Variants in PTPRD observed in about 807,000 individuals in gnomAD.
The protein encoded by PTPRD is receptor-type tyrosine-protein phosphatase delta.
Under a neutral mutation model 214.5 loss-of-function variants are expected in PTPRD, and 34 were observed. The ratio of observed to expected loss-of-function variants is 0.16; its 90% CI spans 0.12 to 0.21. The LOEUF is 0.21. PTPRD is among the 10% of genes least tolerant of loss of function. The pLI is 1.00. For missense variants in PTPRD, 2,545 were observed against 2,398.7 expected (o/e 1.06, Z -1.27); for synonymous variants, 1,128 against 845.7 (o/e 1.33, Z -5.79).
At chr9:8,454,650 A>G (rs1038866358) in intron 33 of PTPRD, 16 of 1,587,270 alleles carry the variant, frequency 1.0e-5, no homozygotes, top group Non-Finnish European at 1.4e-5. Context: ...TAGTTGGCCA[A>G]TGGTAACAAG....
intron 43 of PTPRD, among the ~76,000 whole-genome samples, chr9:8,334,730 A>C (rs958755952): frequency 7.4e-5 from 8 of 107,434 alleles, no homozygotes; most frequent in African/African-American, 2.7e-4. Flanking sequence ...CCCTTCAAAA[A>C]ATCAATGAAT....
intron 2 of PTPRD, among the ~76,000 whole-genome samples, chr9:10,514,143 A>C (rs1050899138): frequency 1.3e-5 from 2 of 152,272 alleles, no homozygotes; most frequent in Middle Eastern, 6.8e-3. Context: ...AACTTGGATA[A>C]CATATTTATA....
At chr9:9,069,969 G>C (rs1331725939) in intron 10 of PTPRD, among the ~76,000 whole-genome samples, 1 of 152,144 alleles carries the variant, frequency 6.6e-6, no homozygotes, top group East Asian at 1.9e-4. Flanking sequence ...CTTTCTCCTA[G>C]GTGTCTGTGA....
chr9:9,419,146 C>CACAG (rs1569568150), intron 8 of PTPRD, among the ~76,000 whole-genome samples: 1 of 150,810 alleles, frequency 6.6e-6, no homozygotes, highest in Non-Finnish European at 1.5e-5. Flanking sequence ...CACACACACA[C>CACAG]ACACACACAC....
At chr9:9,947,358 A>ATAT (rs2092748155) in intron 4 of PTPRD, among the ~76,000 whole-genome samples, 1 of 56,444 alleles carries the variant, frequency 1.8e-5, no homozygotes, top group Non-Finnish European at 2.7e-5. Context: ...TATATATTAT[A>ATAT]TATATTATAT....
At chr9:9,935,952 A>G (rs2089197008) in intron 5 of PTPRD, among the ~76,000 whole-genome samples, 1 of 151,392 alleles carries the variant, frequency 6.6e-6, no homozygotes. Flanking sequence ...ATCTTTGACA[A>G]ACCTGACCAA....
At chr9:9,936,088 T>G (rs1266564032) in intron 5 of PTPRD, among the ~76,000 whole-genome samples, 1 of 146,686 alleles carries the variant, frequency 6.8e-6, no homozygotes, top group African/African-American at 2.7e-5. Context: ...CAAGATGGAT[T>G]AAAGACTTAA....
chr9:8,821,311 G>A (rs960539946), intron 11 of PTPRD, among the ~76,000 whole-genome samples: 4 of 151,914 alleles, frequency 2.6e-5, no homozygotes, highest in African/African-American at 7.3e-5. Context: ...CTCTCACATG[G>A]TAAGCTCATG....
intron 11 of PTPRD, among the ~76,000 whole-genome samples, chr9:8,984,789 G>A (rs1167107433): frequency 1.3e-5 from 2 of 152,050 alleles, no homozygotes; most frequent in Non-Finnish European, 2.9e-5. Context: ...TGATAAGAAT[G>A]TACCTCTGAA....
intron 35 of PTPRD, among the ~76,000 whole-genome samples, chr9:8,435,751 A>T (rs2095321358): frequency 6.6e-6 from 1 of 152,060 alleles, no homozygotes; most frequent in South Asian, 2.1e-4. Flanking sequence ...GCATACACAC[A>T]GGCTTTTAAT....
At chr9:10,339,978 T>G (rs554844379) in intron 3 of PTPRD, among the ~76,000 whole-genome samples, 1 of 151,966 alleles carries the variant, frequency 6.6e-6, no homozygotes, top group South Asian at 2.1e-4. Context: ...TATGCCATAT[T>G]GACAATATAT....
intron 14 of PTPRD, among the ~76,000 whole-genome samples, chr9:8,559,416 G>A (rs2085276925): frequency 6.6e-6 from 1 of 152,120 alleles, no homozygotes; most frequent in South Asian, 2.1e-4. Context: ...ATTGTATCAT[G>A]TGCAATCAAA....
chr9:8,574,254 C>G (rs937681025), intron 14 of PTPRD, among the ~76,000 whole-genome samples: 8 of 151,948 alleles, frequency 5.3e-5, no homozygotes, highest in African/African-American at 1.9e-4. Context: ...CTATTAACAA[C>G]TGATAATACG....
chr9:8,862,928 G>A (rs767501969), intron 11 of PTPRD, among the ~76,000 whole-genome samples: 7 of 151,970 alleles, frequency 4.6e-5, no homozygotes, highest in Admixed American at 2.0e-4. Context: ...GTGGGGTGGT[G>A]GGGGGGAGGG....
chr9:10,555,259 G>T (rs2062271222), intron 2 of PTPRD, among the ~76,000 whole-genome samples: 1 of 152,108 alleles, frequency 6.6e-6, no homozygotes, highest in African/African-American at 2.4e-5. Flanking sequence ...GTCAAAGTAA[G>T]GAGTATGTTG....
intron 8 of PTPRD, among the ~76,000 whole-genome samples, chr9:9,476,647 T>C (rs1052833765): frequency 1.2e-4 from 18 of 152,340 alleles, no homozygotes; most frequent in Non-Finnish European, 2.6e-4. Flanking sequence ...TACCTATGTA[T>C]AACTCCTCTG....
At chr9:9,436,864 T>A (rs2085463878) in intron 8 of PTPRD, among the ~76,000 whole-genome samples, 1 of 149,488 alleles carries the variant, frequency 6.7e-6, no homozygotes, top group African/African-American at 2.5e-5. Context: ...TCTTTTTGCT[T>A]ATATACCAAA....
At chr9:8,632,760 T>A (rs867128008) in intron 14 of PTPRD, among the ~76,000 whole-genome samples, 3 of 152,118 alleles carry the variant, frequency 2.0e-5, no homozygotes, top group South Asian at 2.1e-4. Flanking sequence ...AAGAAAGGGA[T>A]TTGTCAGCCC....
At chr9:9,956,923 T>G (rs2093973424) in intron 4 of PTPRD, among the ~76,000 whole-genome samples, 1 of 152,150 alleles carries the variant, frequency 6.6e-6, no homozygotes, top group Non-Finnish European at 1.5e-5. Context: ...AGATGATGTT[T>G]ATGTTATAAC....
Sources: allele counts gnomAD v4.1 joint callset (sites outside exome capture counted in the v4.1 genomes callset), GRCh38; gene constraint gnomAD v4.1.1; transcripts MANE v1.5; gene names NCBI Gene and HGNC (gene_info 2026-07-23, HGNC 2026-07-21).